The following DDHD1 variants were observed in gnomAD, a reference collection of about 807,000 sequenced individuals.
DDHD1 encodes DDHD domain containing 1.
In DDHD1, 49 loss-of-function variants were observed where a neutral mutation model predicts 96.4. The ratio of observed to expected loss-of-function variants is 0.51; its 90% CI spans 0.40 to 0.64. The LOEUF is 0.64. DDHD1 is among the 30% of genes least tolerant of loss of function. The probability of loss-of-function intolerance (pLI) is 0.00; values close to 1 mark genes in which losing one functional copy is unlikely to be tolerated. For synonymous variants in DDHD1, 442 were observed against 446.5 expected (o/e 0.99, Z 0.13); for missense variants, 1,106 against 1,161.2 (o/e 0.95, Z 0.69).
chr14:53,071,771 A>G (rs140867174), intron 6 of DDHD1, among the ~76,000 whole-genome samples: 8 of 152,268 alleles, frequency 5.3e-5, no homozygotes, highest in Non-Finnish European at 1.2e-4. Context: ...AGGGCTCACT[A>G]AATATTTACT....
chr14:53,145,502 C>CA (rs34747977), intron 1 of DDHD1, among the ~76,000 whole-genome samples: 21,929 of 61,090 alleles, frequency 0.36, 3,352 homozygotes, highest in Non-Finnish European at 0.41. Flanking sequence ...AACCTTGTCT[C>CA]AAAAAAAAAA....
chr14:53,116,879 A>G (rs1201092581), intron 1 of DDHD1, among the ~76,000 whole-genome samples: 1 of 152,174 alleles, frequency 6.6e-6, no homozygotes. Context: ...GAACTAAAGG[A>G]GATAGAGGAC....
At chr14:53,054,879 T>C (rs1284236732) in intron 10 of DDHD1, among the ~76,000 whole-genome samples, 1 of 152,222 alleles carries the variant, frequency 6.6e-6, no homozygotes, top group Admixed American at 6.5e-5. Context: ...AGATTCTATT[T>C]TATTCAAGTG....
At chr14:53,089,567 G>T (rs561046717) in intron 4 of DDHD1, among the ~76,000 whole-genome samples, 88 of 152,262 alleles carry the variant, frequency 5.8e-4, no homozygotes, top group African/African-American at 2.1e-3. Context: ...AATGGGGAAA[G>T]GATTCCCTAT....
At chr14:53,049,171 T>A (rs1367834168) in intron 12 of DDHD1, 2 of 152,216 alleles carry the variant, frequency 1.3e-5, no homozygotes, top group Non-Finnish European at 2.9e-5. Context: ...TGTCCTATAT[T>A]ATGTGCCCTT....
intron 9 of DDHD1, among the ~76,000 whole-genome samples, chr14:53,057,476 TATA>T (rs1315094443): frequency 4.6e-5 from 7 of 152,258 alleles, no homozygotes; most frequent in African/African-American, 1.7e-4. Flanking sequence ...TCTATTAGGC[TATA>T]ATAAAGTTTT....
chr14:53,070,004 G>C (rs1884376625), intron 6 of DDHD1, among the ~76,000 whole-genome samples: 2 of 152,204 alleles, frequency 1.3e-5, no homozygotes, highest in Middle Eastern at 6.8e-3. Flanking sequence ...CCTTTCTGAG[G>C]ATAGTTATCT....
At chr14:53,078,474 TC>T (rs1463409058) in intron 4 of DDHD1, among the ~76,000 whole-genome samples, 2 of 152,166 alleles carry the variant, frequency 1.3e-5, no homozygotes, top group African/African-American at 4.8e-5. Flanking sequence ...ACTGGGGTCT[TC>T]CTTTTTTAAA....
chr14:53,114,311 T>C (rs1888380159), intron 1 of DDHD1, among the ~76,000 whole-genome samples: 1 of 152,178 alleles, frequency 6.6e-6, no homozygotes, highest in Non-Finnish European at 1.5e-5. Context: ...GATTTAATCT[T>C]TCCTGCCTGC....
At chr14:53,077,234 CTCTTT>C (rs1285138057) in intron 4 of DDHD1, among the ~76,000 whole-genome samples, 3 of 152,182 alleles carry the variant, frequency 2.0e-5, no homozygotes, top group Non-Finnish European at 4.4e-5. Context: ...ACAACTTCTT[CTCTTT>C]TTAGTGATGA....
intron 4 of DDHD1, among the ~76,000 whole-genome samples, chr14:53,086,089 GAAGTT>G (rs899276141): frequency 3.9e-5 from 6 of 152,136 alleles, no homozygotes; most frequent in Non-Finnish European, 8.8e-5. Context: ...AGCGAAAAGA[GAAGTT>G]AAGAGAAAAA....
chr14:53,060,485 G>A (rs1280984051), intron 8 of DDHD1, among the ~76,000 whole-genome samples: 2 of 152,134 alleles, frequency 1.3e-5, no homozygotes, highest in African/African-American at 4.8e-5. Context: ...ACAGCTCCAA[G>A]CTAACCTGTG....
intron 1 of DDHD1, among the ~76,000 whole-genome samples, chr14:53,111,087 A>C (rs111822100): frequency 0.013 from 1,940 of 152,306 alleles, 44 homozygotes; most frequent in African/African-American, 0.045. Context: ...ACTGAAAAAT[A>C]ATTCTAAGGT....
chr14:53,096,395 C>T (rs1886886188), intron 2 of DDHD1, among the ~76,000 whole-genome samples: 1 of 151,828 alleles, frequency 6.6e-6, no homozygotes. Flanking sequence ...TAATGTTTAT[C>T]AAATAGCTGC....
intron 6 of DDHD1, among the ~76,000 whole-genome samples, chr14:53,066,772 G>C (rs914965689): frequency 2.0e-5 from 3 of 152,024 alleles, no homozygotes; most frequent in Non-Finnish European, 4.4e-5. Context: ...TTCAAGACCA[G>C]CCTGGGCAAC....
intron 1 of DDHD1, among the ~76,000 whole-genome samples, chr14:53,121,803 T>C (rs925596413): frequency 8.6e-5 from 13 of 151,426 alleles, no homozygotes; most frequent in African/African-American, 3.2e-4. Flanking sequence ...TCAGGATAAA[T>C]ACCTAATGCA....
At chr14:53,144,321 G>GC (rs1890836108) in intron 1 of DDHD1, among the ~76,000 whole-genome samples, 1 of 152,192 alleles carries the variant, frequency 6.6e-6, no homozygotes, top group Non-Finnish European at 1.5e-5. Context: ...TTAAGCAAAG[G>GC]CAAGTATCTT....
At chr14:53,135,391 C>T (rs572589370) in intron 1 of DDHD1, among the ~76,000 whole-genome samples, 6 of 152,302 alleles carry the variant, frequency 3.9e-5, no homozygotes, top group South Asian at 2.1e-4. Context: ...GAGATCCACC[C>T]GCTGCCTGCC....
intron 1 of DDHD1, among the ~76,000 whole-genome samples, chr14:53,136,506 C>T (rs919836524): frequency 1.3e-5 from 2 of 152,168 alleles, no homozygotes; most frequent in African/African-American, 4.8e-5. Flanking sequence ...TGCCAAAGAT[C>T]TCTAGAAGAG....
Sources: gnomAD v4.1 joint callset for allele counts (sites outside exome capture counted in the v4.1 genomes callset) on GRCh38, gnomAD v4.1.1 for gene constraint, MANE v1.5 for transcripts, NCBI Gene and HGNC (gene_info 2026-07-23, HGNC 2026-07-21) for gene names.